PDIA6: variants seen among roughly 807,000 people sequenced by gnomAD.
PDIA6 encodes the protein protein disulfide-isomerase A6.
A neutral mutation model predicts 58.4 loss-of-function variants in PDIA6; 29 were observed. The observed-to-expected ratio is 0.50, with a 90% CI of 0.37 to 0.68. The LOEUF is 0.68. Among genes scored for constraint, PDIA6 ranks in the 30% least tolerant of loss-of-function variants. The pLI is 0.00. For synonymous variants in PDIA6, 192 were observed against 202.6 expected, an observed-to-expected ratio of 0.95 and a Z score of 0.44; for missense variants, 480 against 551.0, an observed-to-expected ratio of 0.87 and a Z score of 1.29.
intron 2 of PDIA6, among the ~76,000 whole-genome samples, chr2:10,798,959 G>A (rs1281637632): frequency 6.6e-6 from 1 of 152,158 alleles, no homozygotes; most frequent in Non-Finnish European, 1.5e-5. Context: ...AGCCTAACAA[G>A]CCGAAAAGCA....
At chr2:10,806,192 A>G (rs568236530) in intron 1 of PDIA6, among the ~76,000 whole-genome samples, 19 of 151,360 alleles carry the variant, frequency 1.3e-4, no homozygotes, top group African/African-American at 4.4e-4. Context: ...ACATAGTGAG[A>G]CCCCCTCTCT....
chr2:10,788,821 A>G lies in PDIA6; in HGVS notation c.926-52T>C, dbSNP rs375582849. ...AAGGTAAAGATAAAGGAGTCCATAA[A>G]ATTAATCCATTTAGAAAGTATTCTC... On this transcript the variant is annotated intron_variant, in intron 9 of 12. Transcript: ENST00000272227. The G allele has an allele frequency of 6.5e-4, 1,014 of 1,561,824 alleles. 1 individual carries two copies. The highest frequency in any genetic ancestry group is 7.8e-4 in the South Asian group (70 of 90,010).
chr2:10,816,796 A>G (rs1667210103), upstream of PDIA6, among the ~76,000 whole-genome samples: 1 of 152,138 alleles, frequency 6.6e-6, no homozygotes, highest in South Asian at 2.1e-4. Context: ...AAAGTCTCAG[A>G]GGACATGAAT....
At chr2:10,811,190 T>C (rs899987648) in intron 1 of PDIA6, among the ~76,000 whole-genome samples, 4 of 152,204 alleles carry the variant, frequency 2.6e-5, no homozygotes, top group African/African-American at 7.2e-5. Context: ...TCTTTTCCCC[T>C]CATCTACTCT....
At chr2:10,790,969 C>T in intron 6 of PDIA6, 136 bp from the exon 7 acceptor site, 1 of 636,954 alleles carries the variant, frequency 1.6e-6, no homozygotes, top group Non-Finnish European at 2.8e-6. Flanking sequence ...ATTTCAGCCT[C>T]CAACATAGCT....
intron 11 of PDIA6, 45 bp downstream of exon 11, chr2:10,787,236 C>G: frequency 6.4e-7 from 1 of 1,568,434 alleles, no homozygotes. Flanking sequence ...ACAACAGAAC[C>G]AAACAAACAG....
upstream of PDIA6, chr2:10,837,375 G>T (rs1667849653): frequency 1.7e-6 from 1 of 590,362 alleles, no homozygotes; most frequent in Admixed American, 3.0e-5. Context: ...TTGCAAAGAT[G>T]CACTCAATAT....
chr2:10,836,543 C>CT (rs111443285), upstream of PDIA6, among the ~76,000 whole-genome samples: 52,392 of 140,294 alleles, frequency 0.37, 9,558 homozygotes, highest in East Asian at 0.45. Flanking sequence ...CTTTTGCAGG[C>CT]TTTTTTTTTT....
upstream of PDIA6, among the ~76,000 whole-genome samples, chr2:10,816,780 C>G (rs1342989067): frequency 6.6e-6 from 1 of 152,052 alleles, no homozygotes; most frequent in Non-Finnish European, 1.5e-5. Context: ...TGTAGCAGAG[C>G]TGAAGAAAGT....
At chr2:10,812,981 G>T, upstream of PDIA6, 1 of 397,990 alleles carries the variant, frequency 2.5e-6, no homozygotes, top group Non-Finnish European at 3.8e-6. Flanking sequence ...GGCGGGGCCT[G>T]CTGGGGGCGG....
chr2:10,834,435 A>T (rs907498784), upstream of PDIA6, among the ~76,000 whole-genome samples: 12 of 143,906 alleles, frequency 8.3e-5, no homozygotes, highest in Admixed American at 5.6e-4. Context: ...CCTTCCACGG[A>T]GGCCTGGCCT....
In PDIA6 at chr2:10,802,625, G is replaced by A; in HGVS notation, c.35C>T (p.Thr12Ile). 1 of 1,468,474 alleles carries A rather than the reference G, an allele frequency of 6.8e-7. No homozygotes were observed. The highest frequency in any genetic ancestry group is 1.5e-5 in the South Asian group (1 of 65,030). 91.0% of individuals were successfully genotyped at this position (1,468,474 alleles called of 1,614,324 possible). ...ALLVLGLVSC[T>I]FFLAVNGLYS... ...CAGACCATTCACTGCCAGAAAGAAG[G>A]TACAGCTCACCAGACCTGAAGATAA... The change falls in exon 2 of 13, where the codon ACC becomes ATC. Residue 12 changes from threonine (T) to isoleucine (I), a missense_variant. Transcript: ENST00000272227.
intron 1 of PDIA6, among the ~76,000 whole-genome samples, chr2:10,827,562 A>C (rs1304605679): frequency 6.6e-6 from 1 of 152,034 alleles, no homozygotes; most frequent in African/African-American, 2.4e-5. Context: ...GGTGGCTCAC[A>C]CTTGTAATTC....
chr2:10,822,080 C>A (rs188150097), intron 1 of PDIA6, among the ~76,000 whole-genome samples: 9 of 151,952 alleles, frequency 5.9e-5, no homozygotes, highest in African/African-American at 9.7e-5. Flanking sequence ...GCTGGGACTG[C>A]AAGCATGCAC....
intron 1 of PDIA6, among the ~76,000 whole-genome samples, chr2:10,810,797 G>A (rs1666972602): frequency 6.6e-6 from 1 of 151,760 alleles, no homozygotes; most frequent in Non-Finnish European, 1.5e-5. Context: ...AAAAACCCTG[G>A]GCTCACTTAA....
chr2:10,811,598 G>A (rs147154388), intron 1 of PDIA6, among the ~76,000 whole-genome samples: 5 of 152,320 alleles, frequency 3.3e-5, no homozygotes, highest in Admixed American at 3.3e-4. Context: ...AAAAGGCACT[G>A]GCACAGAGTG....
At chr2:10,819,326 T>C in exon 2 of PDIA6, 4 of 1,539,192 alleles carry the variant, frequency 2.6e-6, no homozygotes, top group East Asian at 2.4e-5. Flanking sequence ...TTTTCCTTGA[T>C]AGGGAGTGGG....
At chr2:10,806,839 A>C (rs545363523) in intron 1 of PDIA6, among the ~76,000 whole-genome samples, 1 of 152,250 alleles carries the variant, frequency 6.6e-6, no homozygotes, top group Admixed American at 6.5e-5. Context: ...TTACAACTGC[A>C]TACAATATTC....
chr2:10,796,502 A>AC (rs1345413833), intron 4 of PDIA6, among the ~76,000 whole-genome samples: 6 of 115,308 alleles, frequency 5.2e-5, no homozygotes, highest in African/African-American at 1.7e-4. Flanking sequence ...CTGTCTCTTA[A>AC]AAAAAAAAAA....
Sources: gnomAD v4.1 joint callset for allele counts (sites outside exome capture counted in the v4.1 genomes callset) on GRCh38, gnomAD v4.1.1 for gene constraint, MANE v1.5 for transcripts, NCBI Gene and HGNC (gene_info 2026-07-23, HGNC 2026-07-21) for gene names.